Variants in GLIS3 observed in about 807,000 individuals in gnomAD.
The protein encoded by GLIS3 is zinc finger protein GLIS3.
In GLIS3, 53 loss-of-function variants were observed where a neutral mutation model predicts 78.6. The ratio of observed to expected loss-of-function variants is 0.67; its 90% CI spans 0.54 to 0.85. The LOEUF (loss-of-function observed/expected upper bound fraction) is 0.85, where lower values mean the gene tolerates loss of function less well. Ranked by LOEUF, GLIS3 falls within the 40% of genes least tolerant of loss-of-function variation. The probability of loss-of-function intolerance (pLI) is 0.00; values close to 1 mark genes in which losing one functional copy is unlikely to be tolerated. For synonymous variants in GLIS3, 684 were observed against 509.9 expected (o/e 1.34, Z -4.60); for missense variants, 1,703 against 1,231.1 (o/e 1.38, Z -5.74).
At chr9:3,982,575 T>C (rs1180320975) in intron 4 of GLIS3, among the ~76,000 whole-genome samples, 1 of 152,190 alleles carries the variant, frequency 6.6e-6, no homozygotes, top group South Asian at 2.1e-4. Context: ...ACTTCATGAA[T>C]GCAGGAAAAA....
chr9:3,966,122 G>C (rs890922348), intron 4 of GLIS3, among the ~76,000 whole-genome samples: 1 of 152,182 alleles, frequency 6.6e-6, no homozygotes, highest in Non-Finnish European at 1.5e-5. Context: ...AGCTCTAAGA[G>C]GGAAGATATC....
chr9:4,262,251 C>G (rs1483050832), intron 2 of GLIS3, among the ~76,000 whole-genome samples: 1 of 152,120 alleles, frequency 6.6e-6, no homozygotes, highest in African/African-American at 2.4e-5. Flanking sequence ...AGGCCCCCAA[C>G]AAGATATAAG....
chr9:3,980,623 T>C (rs1243147859), intron 4 of GLIS3, among the ~76,000 whole-genome samples: 1 of 152,246 alleles, frequency 6.6e-6, no homozygotes, highest in East Asian at 1.9e-4. Flanking sequence ...TGTGCCTCTG[T>C]ATGTTCAGAG....
chr9:4,230,045 C>A (rs1385563264), intron 2 of GLIS3, among the ~76,000 whole-genome samples: 1 of 152,142 alleles, frequency 6.6e-6, no homozygotes, highest in Non-Finnish European at 1.5e-5. Flanking sequence ...TAAAATAGTT[C>A]CTTGGCATTC....
At chr9:4,131,229 T>A (rs1832951222) in intron 2 of GLIS3, among the ~76,000 whole-genome samples, 1 of 152,242 alleles carries the variant, frequency 6.6e-6, no homozygotes, top group Non-Finnish European at 1.5e-5. Flanking sequence ...ACTAGCCTTG[T>A]CTCAGATGAA....
intron 7 of GLIS3, among the ~76,000 whole-genome samples, chr9:3,886,955 C>G (rs1041137264): frequency 7.9e-5 from 12 of 152,170 alleles, no homozygotes; most frequent in Admixed American, 7.9e-4. Flanking sequence ...TCATTTCCCC[C>G]CTTCCCCTGC....
the GLIS3 span, among the ~76,000 whole-genome samples, chr9:4,383,855 G>T: frequency 1.2e-4 from 18 of 152,280 alleles, 1 homozygote; most frequent in South Asian, 2.9e-3. Flanking sequence ...AATGGTAACT[G>T]GATCTCCAGT....
At chr9:4,408,864 G>C in the GLIS3 span, among the ~76,000 whole-genome samples, 1 of 151,944 alleles carries the variant, frequency 6.6e-6, no homozygotes, top group Non-Finnish European at 1.5e-5. Flanking sequence ...TTTGTAACAT[G>C]GGATAAATGC....
chr9:3,988,742 AC>A (rs1563923540), intron 4 of GLIS3, among the ~76,000 whole-genome samples: 4 of 152,092 alleles, frequency 2.6e-5, no homozygotes, highest in African/African-American at 7.2e-5. Flanking sequence ...TAAACCTCAT[AC>A]GTTATACGAA....
At chr9:4,039,396 C>T (rs748197094) in intron 4 of GLIS3, among the ~76,000 whole-genome samples, 3 of 152,200 alleles carry the variant, frequency 2.0e-5, no homozygotes, top group Non-Finnish European at 4.4e-5. Context: ...CCAAGCATCT[C>T]TCTCTCTCTC....
chr9:3,845,218 G>A (rs1212845863), intron 9 of GLIS3, among the ~76,000 whole-genome samples: 1 of 152,106 alleles, frequency 6.6e-6, no homozygotes, highest in East Asian at 1.9e-4. Context: ...TCTTATGAGA[G>A]CTGTACAATT....
intron 2 of GLIS3, among the ~76,000 whole-genome samples, chr9:4,251,342 T>C (rs528507504): frequency 6.6e-6 from 1 of 152,320 alleles, no homozygotes; most frequent in African/African-American, 2.4e-5. Context: ...GTTGTGTTAA[T>C]CGCTTTACCA....
chr9:3,838,009 G>A (rs919431159), intron 9 of GLIS3, among the ~76,000 whole-genome samples: 1 of 151,602 alleles, frequency 6.6e-6, no homozygotes, highest in African/African-American at 2.4e-5. Context: ...GTGGGGGGAG[G>A]AGGGTGTGTG....
intron 4 of GLIS3, among the ~76,000 whole-genome samples, chr9:4,021,448 T>G (rs898869713): frequency 6.6e-6 from 1 of 152,178 alleles, no homozygotes; most frequent in Non-Finnish European, 1.5e-5. Flanking sequence ...AGAGACAAGA[T>G]TGTATCCTAT....
the GLIS3 span, among the ~76,000 whole-genome samples, chr9:4,368,473 T>C: frequency 1.3e-5 from 2 of 152,022 alleles, no homozygotes; most frequent in African/African-American, 2.4e-5. Flanking sequence ...GCCTCCCAAG[T>C]AGCCGGGACT....
intron 2 of GLIS3, among the ~76,000 whole-genome samples, chr9:4,313,366 C>G (rs938963467): frequency 9.2e-5 from 14 of 152,188 alleles, no homozygotes; most frequent in African/African-American, 3.1e-4. Context: ...TGTGCCACCT[C>G]CCCCTCTCCA....
chr9:3,977,858 A>G lies in GLIS3; in HGVS notation c.1711-40669T>C, dbSNP rs1818917799. ...ATTTCTACAGCAGGCTGTTGCATCC[A>G]GCTGGTGAGGAGGTCTAATTTCACA... On this transcript the variant is annotated intron_variant, in intron 4 of 10. Coordinates refer to ENST00000381971, the MANE Select transcript of GLIS3 (RefSeq NM_001042413.2). The surrounding 1 kb of genome is among the most constrained non-coding windows in gnomAD (Gnocchi z 4.1). 6.6e-6 allele frequency among the ~76,000 whole-genome samples: 1 copy of G among 152,214 alleles called. No homozygotes were observed. Among genetic ancestry groups the G allele is most frequent in the African/African-American group, 2.4e-5 (1 of 41,466 alleles).
intron 6 of GLIS3, among the ~76,000 whole-genome samples, chr9:3,907,793 T>C (rs1823825961): frequency 6.6e-6 from 1 of 152,156 alleles, no homozygotes; most frequent in South Asian, 2.1e-4. Context: ...CCCCATCCTC[T>C]CCTGAGTTCT....
intron 7 of GLIS3, among the ~76,000 whole-genome samples, chr9:3,894,571 C>T (rs1004863830): frequency 5.9e-5 from 9 of 152,012 alleles, no homozygotes; most frequent in African/African-American, 2.2e-4. Context: ...CTATTTCTTA[C>T]AAAAAGTAAT....
Sources: gnomAD v4.1 joint callset for allele counts (sites outside exome capture counted in the v4.1 genomes callset) on GRCh38, gnomAD v4.1.1 for gene constraint, Gnocchi (gnomAD v3.1) non-coding constraint, MANE v1.5 for transcripts, NCBI Gene and HGNC (gene_info 2026-07-23, HGNC 2026-07-21) for gene names.